Variants in CRYBB3 observed in about 807,000 individuals in gnomAD.
CRYBB3 encodes crystallin beta B3, also known as beta-crystallin B3.
In CRYBB3, 35 loss-of-function variants were observed where a neutral mutation model predicts 28.3. The observed-to-expected ratio is 1.24, with a 90% CI of 0.95 to 1.64. The LOEUF (loss-of-function observed/expected upper bound fraction) is 1.64, where lower values mean the gene tolerates loss of function less well. CRYBB3 is among the 40% of genes most tolerant of loss of function. The pLI, the probability that CRYBB3 is intolerant of heterozygous loss-of-function variation, is 0.00. For missense variants in CRYBB3, 296 were observed against 297.4 expected (o/e 1.00, Z 0.04); for synonymous variants, 106 against 110.4 (o/e 0.96, Z 0.25).
rs965505582 is a variant in CRYBB3, at chr22:25,206,913, G to C, written c.471-134G>C. ...TTAAGGGTCCTGTGAGCAGGGTAAA[G>C]AGTTTGGATTCATCCCAAGGGCTCT... On this transcript the variant is annotated intron_variant, in intron 5 of 5. Transcript: ENST00000215855. The C allele has an allele frequency of 7.8e-6, 6 of 770,098 alleles. No individual in the cohort carries two copies. In the African/African-American group the frequency reaches 1.0e-4, roughly 13 times the overall value. 47.7% of individuals were successfully genotyped at this position (770,098 alleles called of 1,614,324 possible).
intron 5 of CRYBB3, among the ~76,000 whole-genome samples, chr22:25,206,563 G>T (rs1191970108): frequency 1.3e-5 from 2 of 152,072 alleles, no homozygotes; most frequent in Non-Finnish European, 2.9e-5. Context: ...AAATTACATA[G>T]TTTGATGGAG....
chr22:25,207,086 G>C lies in CRYBB3; in HGVS notation c.510G>C (p.Gln170His). Residue 170 changes from glutamine to histidine, a missense_variant, in exon 6 of 6, where the codon CAG becomes CAC. Gln to His is a conservative substitution (Grantham distance 24). Coordinates refer to ENST00000215855, the MANE Select transcript of CRYBB3 (RefSeq NM_004076.5). ...GYEFPGYRGR[Q>H]YVFERGEYRH... ...AGTTCCCCGGCTACCGTGGGCGCCAGTACGTGTTTGAGCGGGGCGAGTACC... is the reference window on the plus strand; with the variant it reads ...AGTTCCCCGGCTACCGTGGGCGCCACTACGTGTTTGAGCGGGGCGAGTACC... The C allele has an allele frequency of 6.2e-7, 1 of 1,613,698 alleles. No individual in the cohort carries two copies. Among genetic ancestry groups the C allele is most frequent in the Non-Finnish European group, 8.5e-7 (1 of 1,179,802 alleles).
At chr22:25,202,044 G>A (rs921180600) in intron 2 of CRYBB3, among the ~76,000 whole-genome samples, 5 of 152,180 alleles carry the variant, frequency 3.3e-5, no homozygotes, top group Admixed American at 6.5e-5. Flanking sequence ...AGGATGGGTC[G>A]AATCCCAGTG....
rs186827436 is a variant in CRYBB3 at position 25,201,712 on chromosome 22, A to G, written c.75+241A>G. On this transcript the variant is annotated intron_variant, in intron 2 of 5. Transcript: ENST00000215855. Reference sequence around the variant, plus strand: ...GGTCACCCACATCCTGCCTGCACCAATGGATCAGAGAGGCCCGGGGGTTTC... The same window carrying G: ...GGTCACCCACATCCTGCCTGCACCAGTGGATCAGAGAGGCCCGGGGGTTTC... Among the ~76,000 whole-genome samples the G allele has an allele frequency of 1.4e-3, 204 of 149,120 alleles. 3 individuals are homozygous for G. The South Asian group carries it at 0.035, about 25-fold the overall frequency.
chr22:25,204,456 C>T (rs1378271380), intron 4 of CRYBB3, among the ~76,000 whole-genome samples: 2 of 152,152 alleles, frequency 1.3e-5, no homozygotes, highest in Non-Finnish European at 2.9e-5. Context: ...CTCGCTCTGT[C>T]ACCCAGGCTG....
chr22:25,200,709 C>T (rs142646650), intron 1 of CRYBB3, among the ~76,000 whole-genome samples: 220 of 152,128 alleles, frequency 1.4e-3, no homozygotes, highest in African/African-American at 5.1e-3. Context: ...GGTACACAGT[C>T]GTGTTCAATA....
chr22:25,201,007 G>T (rs1482305676), intron 1 of CRYBB3, among the ~76,000 whole-genome samples: 2 of 152,208 alleles, frequency 1.3e-5, no homozygotes, highest in Non-Finnish European at 2.9e-5. Flanking sequence ...AGGTTCTGGG[G>T]GTGGGACATC....
At position 25,201,309 on chromosome 22, in the gene CRYBB3, A is replaced by G. The variant is rs1934943260; in HGVS notation, c.-20-68A>G. On this transcript the variant is annotated intron_variant, in intron 1 of 5. Coordinates refer to ENST00000215855, the MANE Select transcript of CRYBB3 (RefSeq NM_004076.5). ...AGCAAGGCTCTGTAGCTCATCCTGG[A>G]CTCCAGTCACATCAACACCTGGCTT... 3.1e-6 allele frequency: 5 copies of G among 1,597,394 alleles called. No homozygotes were observed. In the Admixed American group the frequency reaches 8.4e-5, roughly 27 times the overall value.
At position 25,207,263 on chromosome 22, in the gene CRYBB3, C is replaced by T; in HGVS notation, c.*51C>T. The T allele has an allele frequency of 1.3e-6, 2 of 1,546,158 alleles. No individual in the cohort carries two copies. Among genetic ancestry groups the T allele is most frequent in the East Asian group, 4.6e-5 (2 of 43,720 alleles). ...GACCCACCCTGGGGGGCTGCAAGGGCAAGAAGAGGAGGCTCCAGGGTTGGG... is the reference window on the plus strand; with the variant it reads ...GACCCACCCTGGGGGGCTGCAAGGGTAAGAAGAGGAGGCTCCAGGGTTGGG... On this transcript the variant is annotated 3_prime_UTR_variant, in exon 6 of 6. Transcript: ENST00000215855.
chr22:25,200,531 G>C (rs981634576), intron 1 of CRYBB3, among the ~76,000 whole-genome samples: 1 of 152,140 alleles, frequency 6.6e-6, no homozygotes, highest in African/African-American at 2.4e-5. Context: ...AAACTTTTGC[G>C]AGTGTGTGCA....
At chr22:25,203,536 GC>G (rs1934982516) in intron 3 of CRYBB3, among the ~76,000 whole-genome samples, 1 of 152,178 alleles carries the variant, frequency 6.6e-6, no homozygotes, top group Non-Finnish European at 1.5e-5. Flanking sequence ...TTGCACAGAG[GC>G]TAGATTCTCA....
intron 1 of CRYBB3, 45 bp from the exon 2 acceptor site, chr22:25,201,332 C>T (rs2146071802): frequency 1.2e-6 from 2 of 1,605,484 alleles, no homozygotes; most frequent in East Asian, 2.2e-5. Context: ...CAACACCTGG[C>T]TTCTCCCGGG....
At chr22:25,205,066 G>A (rs900931234) in intron 4 of CRYBB3, among the ~76,000 whole-genome samples, 154 bp from the exon 5 acceptor site, 1 of 152,162 alleles carries the variant, frequency 6.6e-6, no homozygotes, top group African/African-American at 2.4e-5. Context: ...GAATTTGGGG[G>A]TGGAGGCATC....
chr22:25,202,936 A>G (rs940755499), intron 3 of CRYBB3, 144 bp downstream of exon 3: 15 of 1,494,028 alleles, frequency 1.0e-5, no homozygotes, highest in Non-Finnish European at 1.3e-5. Context: ...CTGTAAAATG[A>G]GAGTTGAAGA....
At chr22:25,203,539 A>AT (rs1934982587) in intron 3 of CRYBB3, among the ~76,000 whole-genome samples, 1 of 152,210 alleles carries the variant, frequency 6.6e-6, no homozygotes, top group Non-Finnish European at 1.5e-5. Context: ...CACAGAGGCT[A>AT]GATTCTCAAT....
intron 2 of CRYBB3, 94 bp from the exon 3 acceptor site, chr22:25,202,580 G>C (rs1934965977): frequency 3.1e-6 from 5 of 1,599,856 alleles, no homozygotes; most frequent in Non-Finnish European, 4.3e-6. Context: ...GATGCAGAAA[G>C]CAGAGGGTAC....
At chr22:25,206,846 A>G (rs542981607) in intron 5 of CRYBB3, among the ~76,000 whole-genome samples, 1 of 152,234 alleles carries the variant, frequency 6.6e-6, no homozygotes, top group Admixed American at 6.5e-5. Context: ...CACGGTGTTG[A>G]GTGTGAATGG....
At chr22:25,203,324 T>C (rs926252478) in intron 3 of CRYBB3, among the ~76,000 whole-genome samples, 1 of 152,210 alleles carries the variant, frequency 6.6e-6, no homozygotes, top group African/African-American at 2.4e-5. Flanking sequence ...ACCAGGCCTC[T>C]GTTTTCTCAT....
chr22:25,206,103 A>G (rs1482801262), intron 5 of CRYBB3, among the ~76,000 whole-genome samples: 1 of 152,148 alleles, frequency 6.6e-6, no homozygotes, highest in Non-Finnish European at 1.5e-5. Context: ...AGGTGGTTAC[A>G]TCTCACTTGT....
Sources: allele counts gnomAD v4.1 joint callset (sites outside exome capture counted in the v4.1 genomes callset), GRCh38; gene constraint gnomAD v4.1.1; transcripts MANE v1.5; gene names NCBI Gene and HGNC (gene_info 2026-07-23, HGNC 2026-07-21).